The following FARS2 variants were observed in gnomAD, a reference collection of about 807,000 sequenced individuals.
FARS2 encodes phenylalanine--tRNA ligase, mitochondrial.
Under a neutral mutation model 46.4 loss-of-function variants are expected in FARS2, and 40 were observed. The observed-to-expected ratio is 0.86, with a 90% CI of 0.67 to 1.12. The LOEUF (loss-of-function observed/expected upper bound fraction) is 1.12. FARS2 is among the 50% of genes most tolerant of loss of function. The pLI is 0.00. For synonymous variants in FARS2, 234 were observed against 214.9 expected (o/e 1.09, Z -0.78); for missense variants, 513 against 567.9 (o/e 0.90, Z 0.98).
intron 1 of FARS2, among the ~76,000 whole-genome samples, chr6:5,293,326 A>T (rs1278866658): frequency 6.6e-6 from 1 of 152,210 alleles, no homozygotes; most frequent in Non-Finnish European, 1.5e-5. Flanking sequence ...TGAGTGAGCC[A>T]TGAGGCTTTG....
intron 1 of FARS2, among the ~76,000 whole-genome samples, chr6:5,307,769 G>T (rs927029904): frequency 4.0e-5 from 6 of 151,848 alleles, no homozygotes; most frequent in African/African-American, 1.5e-4. Context: ...AAGTTGTAGT[G>T]GTTAGAAAGG....
At chr6:5,436,943 A>G (rs1169847240) in intron 4 of FARS2, among the ~76,000 whole-genome samples, 1 of 152,176 alleles carries the variant, frequency 6.6e-6, no homozygotes, top group Non-Finnish European at 1.5e-5. Context: ...GCAGATATTT[A>G]AAGTGTCCAG....
At chr6:5,281,795 TGTATTGGGAAATG>T (rs1259380529) in intron 1 of FARS2, among the ~76,000 whole-genome samples, 1 of 152,226 alleles carries the variant, frequency 6.6e-6, no homozygotes, top group Non-Finnish European at 1.5e-5. Context: ...ATAATTGCCT[TGTATTGGGAAATG>T]GTAGACACTT....
intron 6 of FARS2, among the ~76,000 whole-genome samples, chr6:5,668,851 G>C (rs1388879405): frequency 2.0e-5 from 3 of 151,754 alleles, no homozygotes; most frequent in African/African-American, 7.3e-5. Context: ...CCACCATCAC[G>C]CCCTGCTAAT....
intron 1 of FARS2, among the ~76,000 whole-genome samples, chr6:5,352,105 TC>T (rs1258040779): frequency 5.3e-5 from 8 of 152,152 alleles, no homozygotes; most frequent in African/African-American, 9.6e-5. Flanking sequence ...TTCATAAACT[TC>T]CTTAAAACAT....
rs1248046690 is a variant in FARS2 at position 5,749,975 on chromosome 6, A to G, written c.1218-21316A>G. 7.9e-5 allele frequency among the ~76,000 whole-genome samples: 12 copies of G among 152,270 alleles called. No homozygotes were observed. The East Asian group carries it at 1.7e-3, about 22-fold the overall frequency. Reference sequence around the variant, plus strand: ...GGGAGTTACACGCATTCCACCCAGTAAGGAAGTTTGTTCATTTGCCATTCA... The same window carrying G: ...GGGAGTTACACGCATTCCACCCAGTGAGGAAGTTTGTTCATTTGCCATTCA... On this transcript the variant is annotated intron_variant, in intron 6 of 6. Coordinates refer to ENST00000274680, the MANE Select transcript of FARS2 (RefSeq NM_006567.5).
rs1462602429 is a variant in FARS2, at chr6:5,402,745, TA to T, written c.613-1796del. Among the ~76,000 whole-genome samples, 6 of 152,218 alleles carry T rather than the reference TA, an allele frequency of 3.9e-5. 1 individual carries two copies. Among genetic ancestry groups the T allele is most frequent in the Admixed American group, 3.9e-4 (6 of 15,280 alleles). The stretch of plus-strand genomic sequence containing the variant: ...GCTTTGTATTAACTCCTTTTTCTTT[TA>T]TTGTAACTATGGTTTTGGGATCCTC... On this transcript the variant is annotated intron_variant, in intron 2 of 6. Coordinates refer to ENST00000274680, the MANE Select transcript of FARS2 (RefSeq NM_006567.5).
chr6:5,767,348 G>A (rs1046112609), intron 6 of FARS2, among the ~76,000 whole-genome samples: 17 of 152,232 alleles, frequency 1.1e-4, no homozygotes, highest in East Asian at 7.7e-4. Context: ...GAGCCACCGC[G>A]CCCGGCCAAT....
rs761074033 is a variant in FARS2, at chr6:5,368,690, G to T, written c.120G>T (p.Glu40Asp). 5 of 1,614,082 alleles carry T rather than the reference G, an allele frequency of 3.1e-6. No individual in the cohort carries two copies. The highest frequency in any genetic ancestry group is 4.2e-6 in the Non-Finnish European group (5 of 1,180,048). ...QAWGSRPPAAECATQRAPGSV... is the reference protein window; with the variant it reads ...QAWGSRPPAADCATQRAPGSV... ...GGGGATCGAGGCCTCCTGCAGCAGA[G>T]TGTGCCACCCAAAGAGCTCCAGGCA... Residue 40 changes from glutamate to aspartate, a missense_variant, in exon 2 of 7, where the codon GAG becomes GAT. Transcript: ENST00000274680.
At chr6:5,697,589 T>C (rs1758181082) in intron 6 of FARS2, among the ~76,000 whole-genome samples, 1 of 152,264 alleles carries the variant, frequency 6.6e-6, no homozygotes, top group Non-Finnish European at 1.5e-5. Context: ...AATATTTTTC[T>C]AGGACATTCC....
At chr6:5,742,848 TCTAG>T (rs572931867) in intron 6 of FARS2, among the ~76,000 whole-genome samples, 12 of 152,144 alleles carry the variant, frequency 7.9e-5, no homozygotes, top group Non-Finnish European at 7.4e-5. Context: ...AATTCTTGGA[TCTAG>T]GAGGAAAGGA....
chr6:5,425,416 G>A (rs886664230), intron 3 of FARS2, among the ~76,000 whole-genome samples: 5 of 152,138 alleles, frequency 3.3e-5, no homozygotes, highest in Non-Finnish European at 7.3e-5. Flanking sequence ...GATCCTTAAC[G>A]AAGGTGGGAT....
chr6:5,665,816 G>C (rs980010333), intron 6 of FARS2, among the ~76,000 whole-genome samples: 1 of 152,134 alleles, frequency 6.6e-6, no homozygotes, highest in Non-Finnish European at 1.5e-5. Context: ...ACTCAAATTG[G>C]TAAGTGAGAA....
At position 5,689,075 on chromosome 6, in the gene FARS2, A is replaced by G. The variant is rs1399697734; in HGVS notation, c.1217+75755A>G. Among the ~76,000 whole-genome samples, 21 of 152,082 alleles carry G rather than the reference A, an allele frequency of 1.4e-4. No homozygotes were observed. In the East Asian group the frequency reaches 2.9e-3, roughly 21 times the overall value. On this transcript the variant is annotated intron_variant, in intron 6 of 6. Transcript: ENST00000274680. ...CCCTTTATCATTTTTTATTGTGTCT[A>G]TTTGATTCTTCTCTCTTTTCTTCTT...
chr6:5,461,736 G>C (rs1765255161), intron 4 of FARS2, among the ~76,000 whole-genome samples: 1 of 152,110 alleles, frequency 6.6e-6, no homozygotes, highest in African/African-American at 2.4e-5. Context: ...ACAGTGTTTT[G>C]CGGTTCATCC....
intron 3 of FARS2, among the ~76,000 whole-genome samples, chr6:5,415,305 CTTTTCTTTTTTTTTTTTT>C (rs1336146085): frequency 4.4e-5 from 4 of 91,586 alleles, no homozygotes; most frequent in African/African-American, 1.7e-4. Context: ...ATTTTCTTTT[CTTTTCTTTTTTTTTTTTT>C]TTTTTTTTTG....
chr6:5,375,306 A>G lies in FARS2; in HGVS notation c.612+6124A>G, dbSNP rs75481237. On this transcript the variant is annotated intron_variant, in intron 2 of 6. Coordinates refer to ENST00000274680, the MANE Select transcript of FARS2 (RefSeq NM_006567.5). ...ATTACCAAATATAATAACACATTTT[A>G]TTTGTAGTATCAACTAAAATATTTC... Among the ~76,000 whole-genome samples, 1,152 of 152,180 alleles carry G rather than the reference A, an allele frequency of 7.6e-3. 8 individuals are homozygous for G. The highest frequency in any genetic ancestry group is 0.026 in the African/African-American group (1,061 of 41,568).
Position 5,350,208 on chromosome 6 carries a change from A to G in FARS2, c.-21-18342A>G, listed in dbSNP as rs376076684. On this transcript the variant is annotated intron_variant, in intron 1 of 6. Transcript: ENST00000274680. ...TTTTTTGTAGAGTTGGGGTCTCACT[A>G]TGTTGCCCAGGCTGATCTCAAACTC... 5.1e-4 allele frequency among the ~76,000 whole-genome samples: 67 copies of G among 131,840 alleles called. No individual in the cohort carries two copies. In the South Asian group the frequency reaches 0.013, roughly 25 times the overall value. 86.5% of individuals were successfully genotyped at this position (131,840 alleles called of 152,430 possible). A position where few individuals can be genotyped will look rare whatever the true frequency, so the allele number is the denominator to read the frequency against.
At chr6:5,461,819 C>T (rs1285376988) in intron 4 of FARS2, among the ~76,000 whole-genome samples, 2 of 152,124 alleles carry the variant, frequency 1.3e-5, no homozygotes, top group African/African-American at 4.8e-5. Flanking sequence ...TATCTATTTA[C>T]CAGTCAGTGG....
Sources: gnomAD v4.1 joint callset for allele counts (sites outside exome capture counted in the v4.1 genomes callset) on GRCh38, gnomAD v4.1.1 for gene constraint, MANE v1.5 for transcripts, NCBI Gene and HGNC (gene_info 2026-07-23, HGNC 2026-07-21) for gene names.